The following LRRN2 variants were observed in gnomAD, a reference collection of about 807,000 sequenced individuals.
The protein encoded by LRRN2 is leucine rich repeat neuronal 2, also known as leucine-rich repeat neuronal protein 2.
In LRRN2, 10 loss-of-function variants were observed where a neutral mutation model predicts 35.7. That is an observed-to-expected ratio of 0.28 (90% CI 0.17 to 0.47). The LOEUF is 0.47. LRRN2 is among the 20% of genes least tolerant of loss of function. The pLI is 0.99. For missense variants in LRRN2, 731 were observed against 940.3 expected (o/e 0.78, Z 2.91); for synonymous variants, 391 against 409.6 (o/e 0.95, Z 0.55).
intron 1 of LRRN2, among the ~76,000 whole-genome samples, chr1:204,664,914 CT>C (rs1299566341): frequency 2.0e-5 from 3 of 152,202 alleles, no homozygotes; most frequent in Non-Finnish European, 4.4e-5. Flanking sequence ...TCATTACACT[CT>C]GCAGTAGCCT....
intron 1 of LRRN2, among the ~76,000 whole-genome samples, chr1:204,682,383 A>G (rs1668974885): frequency 1.3e-5 from 2 of 152,234 alleles, no homozygotes; most frequent in African/African-American, 2.4e-5. Context: ...TCTAACTGGG[A>G]GATAAGGCCC....
At chr1:204,633,620 C>T (rs1376180491) in intron 1 of LRRN2, among the ~76,000 whole-genome samples, 1 of 152,222 alleles carries the variant, frequency 6.6e-6, no homozygotes, top group Non-Finnish European at 1.5e-5. Context: ...ACTAGCCCCA[C>T]TTCTCAGATG....
intron 1 of LRRN2, among the ~76,000 whole-genome samples, chr1:204,669,508 A>G (rs1474453803): frequency 3.3e-5 from 5 of 152,248 alleles, no homozygotes; most frequent in African/African-American, 1.2e-4. Context: ...TAACTGTATA[A>G]TTAGATATCA....
chr1:204,619,696 G>A lies in LRRN2; in HGVS notation c.297C>T (p.Asp99=). The A allele has an allele frequency of 1.2e-6, 2 of 1,614,206 alleles. No homozygotes were observed. Among genetic ancestry groups the A allele is most frequent in the South Asian group, 1.1e-5 (1 of 91,084 alleles). The part of the protein sequence containing the change: ...LGYLANLTEL[D]LSQNSFSDAR... ...CATCCGAAAAGCTGTTCTGGGACAGGTCCAGCTCTGTGAGATTGGCCAGGT... is the reference window on the plus strand; with the variant it reads ...CATCCGAAAAGCTGTTCTGGGACAGATCCAGCTCTGTGAGATTGGCCAGGT... Residue 99 remains aspartate (D), a synonymous_variant, in exon 2 of 2, where the codon GAC becomes GAT. Transcript: ENST00000367177.
chr1:204,618,300 G>A lies in LRRN2; in HGVS notation c.1693C>T (p.Arg565Trp), dbSNP rs763266301. Residue 565 changes from arginine to tryptophan, a missense_variant, in exon 2 of 2, where the codon CGG becomes TGG. By Grantham distance (101) the Arg-to-Trp change is moderately radical. This residue lies in a region of LRRN2 where 229 missense variants were observed against 258.4 expected (regional missense o/e 0.89). Transcript: ENST00000367177. ...GCCAGAGCTGTGGCCCCCTGGCCCC[G>A]GAGGGAGGAGGCACTGGACCAGGTG... Reference protein sequence around the residue: ...NLTWSSASSLRGQGATALARL... With the variant: ...NLTWSSASSLWGQGATALARL... The A allele has an allele frequency of 9.6e-5, 153 of 1,597,434 alleles. No homozygotes were observed. Among genetic ancestry groups the A allele is most frequent in the Non-Finnish European group, 1.3e-4 (149 of 1,171,284 alleles).
At chr1:204,637,705 C>T (rs6684170) in intron 1 of LRRN2, among the ~76,000 whole-genome samples, 3,070 of 108,618 alleles carry the variant, frequency 0.028, 99 homozygotes, top group East Asian at 0.12. Context: ...TGGGGGCAGT[C>T]GCTGAGAGGG....
At chr1:204,639,457 A>AC (rs60168297) in intron 1 of LRRN2, among the ~76,000 whole-genome samples, 3 of 151,780 alleles carry the variant, frequency 2.0e-5, no homozygotes, top group East Asian at 3.9e-4. Context: ...AACAAGTGAG[A>AC]CCCCCGTCTC....
At chr1:204,674,508 G>A (rs1472222348) in intron 1 of LRRN2, among the ~76,000 whole-genome samples, 2 of 152,254 alleles carry the variant, frequency 1.3e-5, no homozygotes, top group African/African-American at 4.8e-5. Flanking sequence ...ATGCCTGGCA[G>A]AGGGTATACG....
intron 1 of LRRN2, among the ~76,000 whole-genome samples, chr1:204,662,628 A>C (rs569079193): frequency 6.6e-6 from 1 of 152,336 alleles, no homozygotes; most frequent in South Asian, 2.1e-4. Flanking sequence ...TGATTTTCAC[A>C]AACATGTGTG....
At chr1:204,635,163 A>C (rs1667802790) in intron 1 of LRRN2, among the ~76,000 whole-genome samples, 2 of 152,190 alleles carry the variant, frequency 1.3e-5, no homozygotes, top group South Asian at 4.1e-4. Flanking sequence ...TATATGCATA[A>C]AAGATGTTTT....
chr1:204,645,362 A>C (rs576349821), intron 1 of LRRN2, among the ~76,000 whole-genome samples: 1 of 152,264 alleles, frequency 6.6e-6, no homozygotes, highest in East Asian at 1.9e-4. Context: ...TCATGCTAAA[A>C]CTTGTGTGTG....
At chr1:204,642,304 T>C (rs1667995848) in intron 1 of LRRN2, among the ~76,000 whole-genome samples, 1 of 152,250 alleles carries the variant, frequency 6.6e-6, no homozygotes, top group Non-Finnish European at 1.5e-5. Context: ...ACTGGCTTTA[T>C]AGTCACATCC....
rs118123502 is a variant in LRRN2 at position 204,627,653 on chromosome 1, C to T, written c.-226-7435G>A. On this transcript the variant is annotated intron_variant, in intron 1 of 1. Coordinates refer to ENST00000367177, the MANE Select transcript of LRRN2 (RefSeq NM_201630.2). ...GCGTGCACTGCACCAAAAAAGGCTG[C>T]AGGGGAGCCGAGCCAGCCTGTTGGG... Among the ~76,000 whole-genome samples, 311 of 152,374 alleles carry T rather than the reference C, an allele frequency of 2.0e-3. 9 individuals carry two copies. In the East Asian group the frequency reaches 0.055, roughly 27 times the overall value.
At chr1:204,680,983 G>C (rs1668936091) in intron 1 of LRRN2, among the ~76,000 whole-genome samples, 1 of 150,152 alleles carries the variant, frequency 6.7e-6, no homozygotes, top group African/African-American at 2.5e-5. Context: ...TAAAGACAGA[G>C]TCTTGCTCTG....
At chr1:204,651,941 T>C (rs7415154) in intron 1 of LRRN2, among the ~76,000 whole-genome samples, 9,844 of 152,190 alleles carry the variant, frequency 0.065, 894 homozygotes, top group African/African-American at 0.19. Context: ...CCCAACTCCC[T>C]TCCCCAGCCG....
chr1:204,667,543 G>A (rs1265184465), intron 1 of LRRN2, among the ~76,000 whole-genome samples: 5 of 152,150 alleles, frequency 3.3e-5, no homozygotes, highest in Admixed American at 2.6e-4. Context: ...CACTGGGAGT[G>A]CCCATATAAA....
chr1:204,624,931 G>A (rs555795092), intron 1 of LRRN2, among the ~76,000 whole-genome samples: 50 of 152,346 alleles, frequency 3.3e-4, no homozygotes, highest in African/African-American at 1.2e-3. Context: ...GCAGATAAGC[G>A]CTGGGTGGGA....
chr1:204,637,833 A>G (rs1458582386), intron 1 of LRRN2, among the ~76,000 whole-genome samples: 1 of 152,160 alleles, frequency 6.6e-6, no homozygotes, highest in African/African-American at 2.4e-5. Context: ...CTTTAAACAC[A>G]GGAGTTTGTG....
In LRRN2 at chr1:204,683,274, C is replaced by T. The variant is rs557827622; in HGVS notation, c.-227+2046G>A. Among the ~76,000 whole-genome samples, 8 of 152,258 alleles carry T rather than the reference C, an allele frequency of 5.3e-5. No individual in the cohort carries two copies. In the South Asian group the frequency reaches 8.3e-4, roughly 16 times the overall value. ...GGCAGGATGAGCAGGAGTGCGTGCA[C>T]GCCTGGCTTACGGTTTAAGCTGCAG... On this transcript the variant is annotated intron_variant, in intron 1 of 1. Transcript: ENST00000367177.
Sources: gnomAD v4.1 joint callset for allele counts (sites outside exome capture counted in the v4.1 genomes callset) on GRCh38, gnomAD v4.1.1 for gene constraint, gnomAD v4.1.1 regional missense constraint, MANE v1.5 for transcripts, NCBI Gene and HGNC (gene_info 2026-07-23, HGNC 2026-07-21) for gene names.